Variants in NBAS observed in about 807,000 individuals in gnomAD.
NBAS encodes the protein NAG/BC035112 fusion.
In NBAS, 219 loss-of-function variants were observed where a neutral mutation model predicts 302.5. That is an observed-to-expected ratio of 0.72 (90% CI 0.65 to 0.81). The LOEUF is 0.81. Among genes scored for constraint, NBAS ranks in the 30% least tolerant of loss-of-function variants. The pLI, the probability that NBAS is intolerant of heterozygous loss-of-function variation, is 0.00. For missense variants in NBAS, 2,932 were observed against 2,841.6 expected (o/e 1.03, Z -0.72); for synonymous variants, 1,118 against 1,021.6 (o/e 1.09, Z -1.80).
chr2:15,343,426 A>AC (rs2148274858), intron 35 of NBAS, among the ~76,000 whole-genome samples: 1 of 152,262 alleles, frequency 6.6e-6, no homozygotes, highest in South Asian at 2.1e-4. Flanking sequence ...TCCAGAGCAC[A>AC]TGGGGAAAAA....
chr2:15,299,630 A>T (rs745906658), intron 40 of NBAS, among the ~76,000 whole-genome samples: 1 of 152,208 alleles, frequency 6.6e-6, no homozygotes, highest in African/African-American at 2.4e-5. Flanking sequence ...TTGCTTCCCT[A>T]GTCTATAAAA....
At chr2:14,957,859 T>C in the NBAS span, among the ~76,000 whole-genome samples, 4 of 152,204 alleles carry the variant, frequency 2.6e-5, no homozygotes, top group African/African-American at 9.7e-5. Context: ...TGTTACTTCA[T>C]TTCCTCACCA....
intron 10 of NBAS, 49 bp from the exon 11 acceptor site, chr2:15,504,262 C>T (rs746373686): frequency 3.2e-5 from 45 of 1,422,638 alleles, no homozygotes; most frequent in Middle Eastern, 1.8e-4. Flanking sequence ...AATGACTTAT[C>T]GTTGTAAAAT....
At position 15,391,560 on chromosome 2, in the gene NBAS, T is replaced by C. The variant is rs115716620; in HGVS notation, c.3257+2667A>G. 3.9e-3 allele frequency among the ~76,000 whole-genome samples: 597 copies of C among 152,114 alleles called. 3 individuals carry two copies. The highest frequency in any genetic ancestry group is 0.031 in the Middle Eastern group (9 of 294). The stretch of plus-strand genomic sequence containing the variant: ...AGTATTGATGAGCCATGAGGCAACC[T>C]GAAAGGTCCTAATAGATGTATAATT... On this transcript the variant is annotated intron_variant, in intron 28 of 51. Coordinates refer to ENST00000281513, the MANE Select transcript of NBAS (RefSeq NM_015909.4).
intron 1 of NBAS, 149 bp downstream of exon 1, chr2:15,561,039 A>G (rs1219597411): frequency 1.6e-6 from 1 of 634,954 alleles, no homozygotes; most frequent in Non-Finnish European, 2.9e-6. Flanking sequence ...CGCTAGCCCA[A>G]GGTGCCGTTG....
At chr2:15,062,092 G>C in the NBAS span, among the ~76,000 whole-genome samples, 1 of 152,110 alleles carries the variant, frequency 6.6e-6, no homozygotes, top group South Asian at 2.1e-4. Context: ...CCCCAGTTTC[G>C]GGCAACATTG....
At chr2:14,962,613 T>C in the NBAS span, among the ~76,000 whole-genome samples, 1 of 152,186 alleles carries the variant, frequency 6.6e-6, no homozygotes, top group Non-Finnish European at 1.5e-5. Context: ...CTCCCATCCC[T>C]TTCAAGAATT....
the NBAS span, among the ~76,000 whole-genome samples, chr2:14,866,012 G>A: frequency 6.6e-6 from 1 of 152,008 alleles, no homozygotes; most frequent in African/African-American, 2.4e-5. Flanking sequence ...TTTTCAGATG[G>A]ATTTTTTTTA....
At chr2:14,923,197 G>A in the NBAS span, among the ~76,000 whole-genome samples, 69 of 152,118 alleles carry the variant, frequency 4.5e-4, no homozygotes, top group African/African-American at 1.4e-3. Context: ...GTGGTTCTCC[G>A]TTCATTCATT....
intron 6 of NBAS, among the ~76,000 whole-genome samples, chr2:15,543,664 T>TA (rs1057402168): frequency 1.3e-5 from 2 of 152,122 alleles, no homozygotes; most frequent in African/African-American, 4.8e-5. Flanking sequence ...AAACCCCCGA[T>TA]AAAACCATCA....
chr2:14,847,104 C>A, the NBAS span, among the ~76,000 whole-genome samples: 1 of 152,002 alleles, frequency 6.6e-6, no homozygotes, highest in Admixed American at 6.6e-5. Context: ...ACATAGACGG[C>A]CGGGCATGGT....
At chr2:15,056,143 T>A in the NBAS span, among the ~76,000 whole-genome samples, 2 of 150,730 alleles carry the variant, frequency 1.3e-5, no homozygotes, top group Non-Finnish European at 3.0e-5. Flanking sequence ...AGCAAAAAGA[T>A]TCAAGAAACA....
intron 19 of NBAS, among the ~76,000 whole-genome samples, chr2:15,462,241 G>A (rs1408438063): frequency 2.6e-5 from 4 of 152,192 alleles, no homozygotes; most frequent in African/African-American, 7.2e-5. Context: ...TAAGGGAGCT[G>A]TGATAGGCAC....
chr2:15,148,220 C>G, the NBAS span, among the ~76,000 whole-genome samples: 1 of 152,278 alleles, frequency 6.6e-6, no homozygotes, highest in South Asian at 2.1e-4. Flanking sequence ...TTAGTAAACT[C>G]TTATTGCACA....
chr2:15,473,121 A>G, intron 16 of NBAS, 101 bp downstream of exon 16: 1 of 1,328,914 alleles, frequency 7.5e-7, no homozygotes, highest in South Asian at 1.2e-5. Context: ...GCTGTATTAT[A>G]GAAAAGTCAG....
the NBAS span, among the ~76,000 whole-genome samples, chr2:14,854,846 T>C: frequency 2.0e-5 from 3 of 152,120 alleles, no homozygotes; most frequent in Admixed American, 2.0e-4. Flanking sequence ...GTCTAGACTA[T>C]AAGGACTGCA....
At chr2:15,243,649 T>G (rs1667960689) in intron 44 of NBAS, among the ~76,000 whole-genome samples, 1 of 152,008 alleles carries the variant, frequency 6.6e-6, no homozygotes, top group Non-Finnish European at 1.5e-5. Context: ...AAAACTATTA[T>G]CTGTGGTAAC....
intron 44 of NBAS, among the ~76,000 whole-genome samples, chr2:15,256,235 G>T (rs879309099): frequency 1.3e-5 from 2 of 152,034 alleles, no homozygotes; most frequent in Non-Finnish European, 2.9e-5. Flanking sequence ...TCTTTCAGCC[G>T]TGTGTTGTAG....
At position 15,423,203 on chromosome 2, in the gene NBAS, C is replaced by A. The variant is rs147129350; in HGVS notation, c.2577+1112G>T. ...AAAATACGGAATTAAAGTAACTGAA[C>A]TAGCTTATTTCCAAAGATTCACTTC... is the stretch of plus-strand genomic sequence containing the variant. On this transcript the variant is annotated intron_variant, in intron 23 of 51. Transcript: ENST00000281513. 1.1e-4 allele frequency among the ~76,000 whole-genome samples: 17 copies of A among 152,280 alleles called. No individual in the cohort carries two copies. In the East Asian group the frequency reaches 3.1e-3, roughly 28 times the overall value.
Sources: allele counts gnomAD v4.1 joint callset (sites outside exome capture counted in the v4.1 genomes callset), GRCh38; gene constraint gnomAD v4.1.1; transcripts MANE v1.5; gene names NCBI Gene and HGNC (gene_info 2026-07-23, HGNC 2026-07-21).